Variants in FAM184A observed in about 807,000 individuals in gnomAD.
FAM184A encodes the protein protein FAM184A.
In FAM184A, 99 loss-of-function variants were observed where a neutral mutation model predicts 143.8. The observed-to-expected ratio is 0.69, with a 90% CI of 0.58 to 0.81. FAM184A has a LOEUF of 0.81. Ranked by LOEUF, FAM184A falls within the 40% of genes least tolerant of loss-of-function variation. The pLI, the probability that FAM184A is intolerant of heterozygous loss-of-function variation, is 0.00. For missense variants in FAM184A, 1,217 were observed against 1,310.5 expected (o/e 0.93, Z 1.10); for synonymous variants, 427 against 446.4 (o/e 0.96, Z 0.55).
At chr6:118,972,122 C>G (rs1462674972) in intron 14 of FAM184A, among the ~76,000 whole-genome samples, 4 of 152,152 alleles carry the variant, frequency 2.6e-5, no homozygotes, top group Non-Finnish European at 5.9e-5. Flanking sequence ...TGTCTAAATC[C>G]AAACCATTCA....
intron 15 of FAM184A, among the ~76,000 whole-genome samples, chr6:118,966,091 A>G (rs1482324288): frequency 5.9e-5 from 9 of 152,216 alleles, no homozygotes; most frequent in African/African-American, 2.2e-4. Context: ...GTCTCAGACA[A>G]CAGGCTGCCT....
intron 1 of FAM184A, among the ~76,000 whole-genome samples, chr6:119,032,047 G>T (rs794257): frequency 1.3e-5 from 2 of 151,852 alleles, no homozygotes; most frequent in African/African-American, 4.8e-5. Flanking sequence ...CTAGGTGGGC[G>T]GATTACCTGA....
At chr6:119,071,078 A>C (rs1395009727) in intron 1 of FAM184A, among the ~76,000 whole-genome samples, 3 of 152,220 alleles carry the variant, frequency 2.0e-5, no homozygotes, top group Admixed American at 6.5e-5. Context: ...ATTTTCAAAA[A>C]TATCACAATT....
chr6:119,000,901 C>T (rs1037725315), intron 9 of FAM184A, among the ~76,000 whole-genome samples: 1 of 151,096 alleles, frequency 6.6e-6, no homozygotes, highest in Non-Finnish European at 1.5e-5. Flanking sequence ...GGAGTGAAGG[C>T]AGTGAAAGGG....
chr6:119,132,106 T>G (rs1789548861), intron 1 of FAM184A, among the ~76,000 whole-genome samples: 1 of 152,218 alleles, frequency 6.6e-6, no homozygotes, highest in South Asian at 2.1e-4. Flanking sequence ...TTTTAAAAAC[T>G]TTGCTCCCCC....
chr6:119,011,546 C>A, intron 5 of FAM184A, 115 bp from the exon 6 acceptor site: 1 of 654,778 alleles, frequency 1.5e-6, no homozygotes. Context: ...TTCAAATTAG[C>A]CTTACCCTTA....
intron 1 of FAM184A, among the ~76,000 whole-genome samples, chr6:119,071,860 C>CTTTTT (rs35786966): frequency 1.7e-4 from 16 of 94,156 alleles, no homozygotes; most frequent in Non-Finnish European, 1.6e-4. Flanking sequence ...AACCTTTAAT[C>CTTTTT]TTTTTTTTTT....
chr6:119,129,311 G>C (rs1197836528), intron 1 of FAM184A, among the ~76,000 whole-genome samples: 1 of 152,226 alleles, frequency 6.6e-6, no homozygotes, highest in Non-Finnish European at 1.5e-5. Context: ...GTGATCTGCA[G>C]AGGATTGCAT....
chr6:119,137,566 C>A (rs115172247), intron 1 of FAM184A, among the ~76,000 whole-genome samples: 2,460 of 152,242 alleles, frequency 0.016, 66 homozygotes, highest in African/African-American at 0.053. Context: ...CAGAGGACAC[C>A]ATTCAGTCCA....
At chr6:119,001,980 T>A (rs1379982213) in intron 9 of FAM184A, among the ~76,000 whole-genome samples, 2 of 152,174 alleles carry the variant, frequency 1.3e-5, no homozygotes, top group Non-Finnish European at 2.9e-5. Flanking sequence ...AAAGCTCATA[T>A]ATACACAAAT....
chr6:119,026,108 G>A (rs979376880), intron 1 of FAM184A, among the ~76,000 whole-genome samples: 9 of 152,094 alleles, frequency 5.9e-5, no homozygotes, highest in Non-Finnish European at 1.2e-4. Context: ...CAGATCCAGT[G>A]GCCCTGTCCA....
Position 119,094,139 on chromosome 6 carries a change from A to G in FAM184A, c.-202+54939T>C, listed in dbSNP as rs562108256. Among the ~76,000 whole-genome samples the G allele has an allele frequency of 2.0e-3, 309 of 151,204 alleles. 2 individuals are homozygous for G. Among genetic ancestry groups the G allele is most frequent in the South Asian group, 3.6e-3 (17 of 4,776 alleles). On this transcript the variant is annotated intron_variant, in intron 1 of 16. Transcript: ENST00000352896. ...CTCACTCTGCTGCCCAGGCACAATC[A>G]TAGCTCACTGCAGCCTTAAACTCCT...
intron 1 of FAM184A, among the ~76,000 whole-genome samples, chr6:119,119,081 C>T (rs632145): frequency 0.83 from 125,528 of 152,138 alleles, 51,902 homozygotes; most frequent in African/African-American, 0.86. Context: ...CCCATAGCGC[C>T]CCCAGGCTTA....
rs114454073 is a variant in FAM184A at position 119,061,875 on chromosome 6, A to G, written c.159+16266T>C. ...CTATATGTATCAAAACATCATACGT[A>G]CCCCATCAATATCTACAATTATTTG... On this transcript the variant is annotated intron_variant, in intron 1 of 17. Coordinates refer to ENST00000338891, the MANE Select transcript of FAM184A (RefSeq NM_024581.6). Among the ~76,000 whole-genome samples, 1,137 of 152,272 alleles carry G rather than the reference A, an allele frequency of 7.5e-3. 8 individuals carry two copies. The highest frequency in any genetic ancestry group is 0.026 in the African/African-American group (1,077 of 41,544).
At chr6:118,962,239 A>G (rs918358789) in intron 16 of FAM184A, 2 of 422,270 alleles carry the variant, frequency 4.7e-6, no homozygotes, top group African/African-American at 4.0e-5. Flanking sequence ...GAGAAGGTAA[A>G]AAGAGTGCCA....
At chr6:119,026,246 C>T (rs547189405) in intron 1 of FAM184A, among the ~76,000 whole-genome samples, 1 of 152,252 alleles carries the variant, frequency 6.6e-6, no homozygotes, top group African/African-American at 2.4e-5. Context: ...AGTACTTATT[C>T]ACATTCTGTT....
chr6:119,106,555 A>T (rs895814403), intron 1 of FAM184A, among the ~76,000 whole-genome samples: 9 of 152,252 alleles, frequency 5.9e-5, no homozygotes, highest in Non-Finnish European at 4.4e-5. Context: ...CTATGCCATC[A>T]GGCTATTAGT....
chr6:118,962,483 T>C (rs1243804220), intron 16 of FAM184A: 1 of 154,610 alleles, frequency 6.5e-6, no homozygotes, highest in Non-Finnish European at 1.4e-5. Flanking sequence ...TGAAACAAAT[T>C]GCACATTTCT....
chr6:119,024,840 A>G, intron 1 of FAM184A, 27 bp from the exon 2 acceptor site: 6 of 1,531,706 alleles, frequency 3.9e-6, no homozygotes, highest in Non-Finnish European at 3.5e-6. Context: ...AAGAAGGGAG[A>G]AGGATTGTGA....
Sources: gnomAD v4.1 joint callset for allele counts (sites outside exome capture counted in the v4.1 genomes callset) on GRCh38, gnomAD v4.1.1 for gene constraint, MANE v1.5 for transcripts, NCBI Gene and HGNC (gene_info 2026-07-23, HGNC 2026-07-21) for gene names.